Variants in ADAMTSL1 observed in about 807,000 individuals in gnomAD.
ADAMTSL1 encodes the protein ADAMTS like 1, also known as ADAMTS-like protein 1.
In ADAMTSL1, 126 loss-of-function variants were observed where a neutral mutation model predicts 201.8. That is an observed-to-expected ratio of 0.62 (90% CI 0.54 to 0.72). The LOEUF is 0.72. Ranked by LOEUF, ADAMTSL1 falls within the 30% of genes least tolerant of loss-of-function variation. The pLI is 0.00. For synonymous variants in ADAMTSL1, 1,121 were observed against 903.4 expected (o/e 1.24, Z -4.32); for missense variants, 2,679 against 2,277.8 (o/e 1.18, Z -3.59).
intron 1 of ADAMTSL1, among the ~76,000 whole-genome samples, chr9:18,151,672 G>C (rs1826919806): frequency 6.6e-6 from 1 of 151,936 alleles, no homozygotes; most frequent in Admixed American, 6.6e-5. Context: ...CCCTGGCCTT[G>C]GTATCTTTAT....
chr9:18,130,063 C>A (rs1044371232), intron 1 of ADAMTSL1, among the ~76,000 whole-genome samples: 1 of 152,172 alleles, frequency 6.6e-6, no homozygotes, highest in African/African-American at 2.4e-5. Flanking sequence ...CTGCATGGGG[C>A]CCTGTCTCAG....
chr9:18,105,838 C>G (rs1217674616), intron 1 of ADAMTSL1, among the ~76,000 whole-genome samples: 1 of 152,134 alleles, frequency 6.6e-6, no homozygotes, highest in Non-Finnish European at 1.5e-5. Context: ...AAGTAATCTC[C>G]TCTGGAGAGT....
At chr9:18,559,095 T>A (rs1486625313) in intron 3 of ADAMTSL1, among the ~76,000 whole-genome samples, 2 of 152,218 alleles carry the variant, frequency 1.3e-5, no homozygotes, top group Non-Finnish European at 2.9e-5. Context: ...GTTTATGTCC[T>A]GAATGGTATT....
chr9:17,963,616 A>G (rs992954589), intron 1 of ADAMTSL1, among the ~76,000 whole-genome samples: 1 of 152,170 alleles, frequency 6.6e-6, no homozygotes, highest in Non-Finnish European at 1.5e-5. Context: ...TAGACATTCA[A>G]TTCTGGAAGC....
chr9:18,147,923 GC>G (rs1826720777), intron 1 of ADAMTSL1, among the ~76,000 whole-genome samples: 1 of 152,002 alleles, frequency 6.6e-6, no homozygotes, highest in Non-Finnish European at 1.5e-5. Context: ...CTTCTCTTTG[GC>G]ATTTTAGGAA....
chr9:18,063,186 C>T (rs1463401425), intron 1 of ADAMTSL1, among the ~76,000 whole-genome samples: 4 of 151,976 alleles, frequency 2.6e-5, no homozygotes, highest in East Asian at 3.9e-4. Flanking sequence ...CTTAAAAAAA[C>T]GTTTTTAAAA....
In ADAMTSL1 at chr9:18,585,840, C is replaced by T. The variant is rs565506501; in HGVS notation, c.474+11574C>T. ...AATGTTATTCATCACATAAATAGAA[C>T]TAAAGACAATAGTCCCAGATGCAGG... On this transcript the variant is annotated intron_variant, in intron 4 of 28. Coordinates refer to ENST00000380548, the MANE Select transcript of ADAMTSL1 (RefSeq NM_001040272.6). 3.3e-5 allele frequency among the ~76,000 whole-genome samples: 5 copies of T among 152,148 alleles called. No individual in the cohort carries two copies. In the South Asian group the frequency reaches 1.0e-3, roughly 32 times the overall value.
intron 19 of ADAMTSL1, among the ~76,000 whole-genome samples, chr9:18,779,825 A>G (rs1057072000): frequency 8.5e-5 from 13 of 152,122 alleles, no homozygotes; most frequent in African/African-American, 2.2e-4. Flanking sequence ...TTACACCACT[A>G]TGATGCCCTC....
chr9:17,954,407 T>C (rs1432711596), intron 1 of ADAMTSL1, among the ~76,000 whole-genome samples: 1 of 152,260 alleles, frequency 6.6e-6, no homozygotes, highest in East Asian at 1.9e-4. Flanking sequence ...ATCGTTAATC[T>C]GATTCAGATA....
intron 2 of ADAMTSL1, among the ~76,000 whole-genome samples, chr9:18,359,710 T>C (rs1836417292): frequency 6.6e-6 from 1 of 152,112 alleles, no homozygotes; most frequent in African/African-American, 2.4e-5. Context: ...TCATGTAAGA[T>C]ATGTATACAG....
chr9:18,193,376 G>A (rs1407921689), intron 2 of ADAMTSL1, among the ~76,000 whole-genome samples: 1 of 152,024 alleles, frequency 6.6e-6, no homozygotes, highest in South Asian at 2.1e-4. Flanking sequence ...GAATATGCAG[G>A]GGAAGAGGAG....
intron 3 of ADAMTSL1, among the ~76,000 whole-genome samples, chr9:18,551,569 T>A (rs1293107628): frequency 6.7e-6 from 1 of 149,876 alleles, no homozygotes; most frequent in South Asian, 2.1e-4. Context: ...TTTTTAAGTC[T>A]ACATGCAGTA....
At chr9:18,096,284 T>C (rs923950444) in intron 1 of ADAMTSL1, among the ~76,000 whole-genome samples, 5 of 152,238 alleles carry the variant, frequency 3.3e-5, no homozygotes, top group African/African-American at 1.2e-4. Context: ...AATGACTAAA[T>C]ATAGTAATTA....
intron 1 of ADAMTSL1, among the ~76,000 whole-genome samples, chr9:17,983,056 T>TTTTC (rs1268062033): frequency 1.0e-5 from 1 of 98,926 alleles, no homozygotes; most frequent in African/African-American, 3.3e-5. Flanking sequence ...TTTCTTTTTC[T>TTTTC]TTTCTTTCTT....
In ADAMTSL1 at chr9:18,439,093, G is replaced by C. The variant is rs182750244; in HGVS notation, c.208-65736G>C. ...GCTTCCTGGACGTTGCATTCCGAAA[G>C]CATCTTACGGAACATGGTGTCGTCT... On this transcript the variant is annotated intron_variant, in intron 2 of 29. Transcript: ENST00000680146. 3.4e-3 allele frequency among the ~76,000 whole-genome samples: 521 copies of C among 151,918 alleles called. 5 individuals carry two copies. The highest frequency in any genetic ancestry group is 0.024 in the Middle Eastern group (7 of 294).
intron 4 of ADAMTSL1, among the ~76,000 whole-genome samples, chr9:18,609,177 A>G (rs947447337): frequency 6.6e-6 from 1 of 152,194 alleles, no homozygotes; most frequent in Non-Finnish European, 1.5e-5. Context: ...TCGATTGTAT[A>G]TATTTGAAAG....
chr9:18,556,960 A>G (rs554879699), intron 3 of ADAMTSL1, among the ~76,000 whole-genome samples: 5 of 152,146 alleles, frequency 3.3e-5, no homozygotes, highest in African/African-American at 1.2e-4. Context: ...GGGTCAATTT[A>G]TATACCATTA....
Position 18,905,814 on chromosome 9 carries a change from T to A in ADAMTSL1, c.4884T>A (p.Ala1628=), listed in dbSNP as rs770972077. 1 of 1,613,648 alleles carries A rather than the reference T, an allele frequency of 6.2e-7. No individual in the cohort carries two copies. Among genetic ancestry groups the A allele is most frequent in the South Asian group, 1.1e-5 (1 of 90,896 alleles). The change falls in exon 27 of 29, where the codon GCT becomes GCA. Residue 1628 remains alanine (A), a synonymous_variant. Transcript: ENST00000380548. The part of the protein sequence containing the change: ...CNGPCIGPHL[A]VQHRQVFCQT... ...GGCCTTGCATCGGGCCTCACCTAGC[T>A]GTGCAACACAGACAAGTCTTCTGCC...
At chr9:18,190,931 GT>G (rs1170537231) in intron 2 of ADAMTSL1, among the ~76,000 whole-genome samples, 2 of 152,102 alleles carry the variant, frequency 1.3e-5, no homozygotes, top group Non-Finnish European at 2.9e-5. Flanking sequence ...GAACCTACTT[GT>G]TTTCTTGTTA....
Sources: gnomAD v4.1 joint callset for allele counts (sites outside exome capture counted in the v4.1 genomes callset) on GRCh38, gnomAD v4.1.1 for gene constraint, MANE v1.5 for transcripts, NCBI Gene and HGNC (gene_info 2026-07-23, HGNC 2026-07-21) for gene names.